Variants in FHIP1A observed in about 807,000 individuals in gnomAD.
FHIP1A encodes the protein FHF complex subunit HOOK-interacting protein 1A.
In FHIP1A, 61 loss-of-function variants were observed where a neutral mutation model predicts 88.6. The ratio of observed to expected loss-of-function variants is 0.69; its 90% CI spans 0.56 to 0.85. FHIP1A has a LOEUF of 0.85. Among genes scored for constraint, FHIP1A ranks in the 40% least tolerant of loss-of-function variants. FHIP1A has a pLI of 0.00. For synonymous variants in FHIP1A, 478 were observed against 496.0 expected, an observed-to-expected ratio of 0.96 and a Z score of 0.48; for missense variants, 1,154 against 1,273.5, an observed-to-expected ratio of 0.91 and a Z score of 1.43.
intron 11 of FHIP1A, among the ~76,000 whole-genome samples, chr4:151,652,270 G>A (rs960353961): frequency 3.3e-5 from 5 of 152,142 alleles, no homozygotes; most frequent in African/African-American, 9.7e-5. Flanking sequence ...GATACATACA[G>A]GTAATTGTCA....
chr4:151,440,197 G>A (rs1021371595), intron 1 of FHIP1A, among the ~76,000 whole-genome samples: 2 of 152,048 alleles, frequency 1.3e-5, no homozygotes, highest in South Asian at 2.1e-4. Context: ...AGAACAGAAT[G>A]GGGGGGAACT....
intron 3 of FHIP1A, among the ~76,000 whole-genome samples, chr4:151,547,982 T>C (rs1578737900): frequency 6.6e-6 from 1 of 152,190 alleles, no homozygotes. Flanking sequence ...GAATCTCCCC[T>C]GTAGTCCCAT....
chr4:151,533,590 A>C (rs1443095), intron 3 of FHIP1A, among the ~76,000 whole-genome samples: 111 of 152,352 alleles, frequency 7.3e-4, no homozygotes, highest in Admixed American at 7.1e-3. Context: ...TGATCACATA[A>C]CATGTGACCA....
intron 3 of FHIP1A, among the ~76,000 whole-genome samples, chr4:151,514,157 A>T (rs1296814132): frequency 6.6e-6 from 1 of 152,242 alleles, no homozygotes; most frequent in Non-Finnish European, 1.5e-5. Context: ...ACTCACTCAA[A>T]ACCAATCAAC....
At chr4:151,631,192 G>C (rs1736145401) in intron 8 of FHIP1A, among the ~76,000 whole-genome samples, 1 of 151,956 alleles carries the variant, frequency 6.6e-6, no homozygotes, top group Admixed American at 6.6e-5. Flanking sequence ...GGAGAAAATA[G>C]GTGAAATAAA....
At chr4:151,495,664 C>T (rs1306923448) in intron 3 of FHIP1A, among the ~76,000 whole-genome samples, 2 of 135,142 alleles carry the variant, frequency 1.5e-5, no homozygotes, top group African/African-American at 5.6e-5. Flanking sequence ...TTTCTTGTTA[C>T]CCAGGCTGGA....
intron 4 of FHIP1A, among the ~76,000 whole-genome samples, chr4:151,573,641 G>T (rs1733679323): frequency 6.6e-6 from 1 of 152,066 alleles, no homozygotes; most frequent in African/African-American, 2.4e-5. Flanking sequence ...TATGGGAAAT[G>T]AGTCAAGGTT....
chr4:151,632,169 C>T (rs1425587258), intron 8 of FHIP1A, among the ~76,000 whole-genome samples: 1 of 151,724 alleles, frequency 6.6e-6, no homozygotes, highest in South Asian at 2.1e-4. Flanking sequence ...AAAAATTAGA[C>T]TTTAAGATAA....
intron 3 of FHIP1A, among the ~76,000 whole-genome samples, chr4:151,518,704 C>A (rs897340442): frequency 1.2e-4 from 15 of 126,540 alleles, no homozygotes; most frequent in Non-Finnish European, 1.8e-4. Flanking sequence ...CCCTTTCTTT[C>A]GTTTGAATGC....
At position 151,470,785 on chromosome 4, in the gene FHIP1A, G is replaced by A. The variant is rs192244708; in HGVS notation, c.-247-11739G>A. Among the ~76,000 whole-genome samples the A allele has an allele frequency of 4.8e-3, 734 of 152,238 alleles. 6 individuals are homozygous for A. The highest frequency in any genetic ancestry group is 5.2e-3 in the Non-Finnish European group (355 of 68,006). On this transcript the variant is annotated intron_variant, in intron 2 of 13. Transcript: ENST00000435205. ...GCTCTGTATTCTTCTAGTCATTGAT[G>A]TCAGTATTATGAGTTTAGACTGGGT...
At chr4:151,623,629 T>A (rs914773977) in intron 7 of FHIP1A, among the ~76,000 whole-genome samples, 1 of 151,872 alleles carries the variant, frequency 6.6e-6, no homozygotes, top group Non-Finnish European at 1.5e-5. Flanking sequence ...GTGTTGAGAT[T>A]TATGCACATT....
At chr4:151,565,731 G>A (rs1233142572) in intron 3 of FHIP1A, among the ~76,000 whole-genome samples, 1 of 151,766 alleles carries the variant, frequency 6.6e-6, no homozygotes, top group Non-Finnish European at 1.5e-5. Flanking sequence ...TATCATAATA[G>A]TTTGGTGCAA....
In FHIP1A at chr4:151,670,433, T is replaced by G. The variant is rs1737822869; in HGVS notation, c.*7679T>G. 1 of 152,226 alleles carries G rather than the reference T, an allele frequency of 6.6e-6. No individual in the cohort carries two copies. The highest frequency in any genetic ancestry group is 2.4e-5 in the African/African-American group (1 of 41,462). The allele number at this position is 152,226 out of a possible 1,614,324, so 9.4% of individuals were successfully genotyped here. A position where few individuals can be genotyped will look rare whatever the true frequency, so the allele number is the denominator to read the frequency against. Reference sequence around the variant, plus strand: ...GGGGGAGTTGTCAGCTGCACAATCTTTGAAGTGTAAGTTAATTTTTATGTG... The same window carrying G: ...GGGGGAGTTGTCAGCTGCACAATCTGTGAAGTGTAAGTTAATTTTTATGTG... On this transcript the variant is annotated 3_prime_UTR_variant, in exon 14 of 14. Coordinates refer to ENST00000435205, the MANE Select transcript of FHIP1A (RefSeq NM_001109977.3).
At chr4:151,612,366 G>T (rs961255900) in intron 7 of FHIP1A, among the ~76,000 whole-genome samples, 5 of 152,068 alleles carry the variant, frequency 3.3e-5, no homozygotes, top group Non-Finnish European at 7.4e-5. Flanking sequence ...CTGCTTGGGG[G>T]TACCCATATG....
intron 4 of FHIP1A, 128 bp downstream of exon 4, chr4:151,566,492 T>C: frequency 1.6e-6 from 1 of 618,116 alleles, no homozygotes; most frequent in Non-Finnish European, 2.9e-6. Context: ...GGAAACTCTT[T>C]CAGATAGGAA....
rs1287685301 is a variant in FHIP1A, at chr4:151,666,300, T to C, written c.*3546T>C. Among the ~76,000 whole-genome samples, 2 of 152,214 alleles carry C rather than the reference T, an allele frequency of 1.3e-5. No homozygotes were observed. Among genetic ancestry groups the C allele is most frequent in the East Asian group, 3.8e-4 (2 of 5,202 alleles). ...TTTTTCTTTACCATTAGATACCTCCTTTCCCTGGTATTTAGAGGAATTGTG... is the reference window on the plus strand; with the variant it reads ...TTTTTCTTTACCATTAGATACCTCCCTTCCCTGGTATTTAGAGGAATTGTG... On this transcript the variant is annotated 3_prime_UTR_variant, in exon 14 of 14. Coordinates refer to ENST00000435205, the MANE Select transcript of FHIP1A (RefSeq NM_001109977.3).
At chr4:151,518,635 T>TCCCC (rs1560744124) in intron 3 of FHIP1A, among the ~76,000 whole-genome samples, 1 of 81,454 alleles carries the variant, frequency 1.2e-5, no homozygotes, top group African/African-American at 5.3e-5. Context: ...AACTATCCAT[T>TCCCC]TCCCTCCCTC....
intron 7 of FHIP1A, among the ~76,000 whole-genome samples, chr4:151,590,854 A>T (rs1236622368): frequency 6.6e-6 from 1 of 152,250 alleles, no homozygotes; most frequent in Non-Finnish European, 1.5e-5. Context: ...GTTTAAAGCC[A>T]TAAAGTTAAT....
At chr4:151,448,503 TCTA>T in intron 1 of FHIP1A, among the ~76,000 whole-genome samples, 1 of 152,272 alleles carries the variant, frequency 6.6e-6, no homozygotes, top group African/African-American at 2.4e-5. Flanking sequence ...CAACCACAAT[TCTA>T]CTTCTCCATG....
Sources: allele counts gnomAD v4.1 joint callset (sites outside exome capture counted in the v4.1 genomes callset), GRCh38; gene constraint gnomAD v4.1.1; transcripts MANE v1.5; gene names NCBI Gene and HGNC (gene_info 2026-07-23, HGNC 2026-07-21).